NEGR1: variants seen among roughly 807,000 people sequenced by gnomAD.
NEGR1 encodes neuronal growth regulator 1, also known as IgLON family member 4.
In NEGR1, 10 loss-of-function variants were observed where a neutral mutation model predicts 40.9. That is an observed-to-expected ratio of 0.24 (90% CI 0.15 to 0.42). The LOEUF is 0.42. Among genes scored for constraint, NEGR1 ranks in the 10% least tolerant of loss-of-function variants. The pLI, the probability that NEGR1 is intolerant of heterozygous loss-of-function variation, is 1.00. For synonymous variants in NEGR1, 185 were observed against 166.8 expected (o/e 1.11, Z -0.84); for missense variants, 352 against 438.9 (o/e 0.80, Z 1.77).
intron 1 of NEGR1, among the ~76,000 whole-genome samples, chr1:72,119,715 G>A (rs1363967972): frequency 6.6e-6 from 1 of 151,936 alleles, no homozygotes; most frequent in Non-Finnish European, 1.5e-5. Flanking sequence ...GCAGGGGGTT[G>A]TTCTTGGCAT....
At chr1:71,585,584 G>A (rs1409132989) in intron 6 of NEGR1, among the ~76,000 whole-genome samples, 4 of 151,902 alleles carry the variant, frequency 2.6e-5, no homozygotes, top group Admixed American at 2.6e-4. Flanking sequence ...TCAGCTGTGG[G>A]AAATGTATGT....
intron 1 of NEGR1, among the ~76,000 whole-genome samples, chr1:72,121,788 G>C (rs771328203): frequency 2.0e-5 from 3 of 151,964 alleles, no homozygotes; most frequent in Non-Finnish European, 4.4e-5. Flanking sequence ...ATACATAAAA[G>C]TGCAAACATT....
intron 4 of NEGR1, among the ~76,000 whole-genome samples, chr1:71,637,240 G>A (rs1319956109): frequency 2.0e-5 from 3 of 151,964 alleles, no homozygotes; most frequent in African/African-American, 7.2e-5. Context: ...ATATTTTCAA[G>A]TTCCATGTTT....
chr1:71,819,015 G>A (rs778342414), intron 2 of NEGR1, among the ~76,000 whole-genome samples: 1 of 151,988 alleles, frequency 6.6e-6, no homozygotes, highest in Non-Finnish European at 1.5e-5. Context: ...AGATGTAGAA[G>A]CCAGTGGGCC....
chr1:72,210,691 G>T (rs897379530), intron 1 of NEGR1, among the ~76,000 whole-genome samples: 1 of 151,884 alleles, frequency 6.6e-6, no homozygotes, highest in African/African-American at 2.4e-5. Context: ...GTGATACTAA[G>T]AAATGTGAAT....
At chr1:71,999,832 A>G (rs936032395) in intron 1 of NEGR1, among the ~76,000 whole-genome samples, 2 of 150,986 alleles carry the variant, frequency 1.3e-5, no homozygotes, top group Non-Finnish European at 3.0e-5. Context: ...TAGGTTTAGT[A>G]CTTTATTTAC....
chr1:71,709,185 T>C (rs940295162), intron 3 of NEGR1, among the ~76,000 whole-genome samples: 5 of 152,166 alleles, frequency 3.3e-5, no homozygotes, highest in Non-Finnish European at 5.9e-5. Flanking sequence ...TCTTTCACAA[T>C]GGTTGAACTA....
At chr1:71,764,118 A>G (rs1656041205) in intron 3 of NEGR1, among the ~76,000 whole-genome samples, 1 of 152,246 alleles carries the variant, frequency 6.6e-6, no homozygotes, top group Non-Finnish European at 1.5e-5. Context: ...CTATATAACT[A>G]TGGAAGAAGA....
At chr1:72,226,752 T>C (rs1164455664) in intron 1 of NEGR1, among the ~76,000 whole-genome samples, 1 of 152,094 alleles carries the variant, frequency 6.6e-6, no homozygotes, top group Non-Finnish European at 1.5e-5. Context: ...AGAAAAGTGA[T>C]TCAGAAAACA....
chr1:72,278,291 T>C (rs372476414), intron 1 of NEGR1, among the ~76,000 whole-genome samples: 4 of 152,034 alleles, frequency 2.6e-5, no homozygotes, highest in African/African-American at 9.7e-5. Flanking sequence ...AAGCAGATAA[T>C]AGCATATTTT....
At chr1:71,585,688 C>CTTT (rs563536438) in intron 6 of NEGR1, among the ~76,000 whole-genome samples, 24 of 112,552 alleles carry the variant, frequency 2.1e-4, no homozygotes, top group Non-Finnish European at 2.6e-4. Context: ...ACCTCTCCAT[C>CTTT]TTTTTTTTTT....
intron 4 of NEGR1, among the ~76,000 whole-genome samples, chr1:71,630,099 A>T (rs904470139): frequency 1.3e-5 from 2 of 151,994 alleles, no homozygotes; most frequent in Non-Finnish European, 2.9e-5. Context: ...ATAGAGCTAT[A>T]TTTTGCTCAA....
intron 1 of NEGR1, among the ~76,000 whole-genome samples, chr1:72,137,743 C>T (rs369445110): frequency 3.3e-5 from 5 of 152,030 alleles, no homozygotes; most frequent in East Asian, 1.9e-4. Context: ...AAAAAGAATA[C>T]GGTGCTCAGG....
intron 1 of NEGR1, among the ~76,000 whole-genome samples, chr1:71,964,443 C>T (rs1026953307): frequency 5.3e-5 from 8 of 152,142 alleles, no homozygotes; most frequent in African/African-American, 1.7e-4. Flanking sequence ...AGAGGCCATG[C>T]GTAGATGACC....
chr1:71,872,353 T>A (rs575170168), intron 2 of NEGR1, among the ~76,000 whole-genome samples: 1 of 152,254 alleles, frequency 6.6e-6, no homozygotes, highest in Non-Finnish European at 1.5e-5. Context: ...ATTCTAGGAA[T>A]TAAAGGAGTA....
chr1:71,961,672 A>G (rs1646166252), intron 1 of NEGR1, among the ~76,000 whole-genome samples: 1 of 152,114 alleles, frequency 6.6e-6, no homozygotes, highest in African/African-American at 2.4e-5. Context: ...TTCCAGAGCT[A>G]TCACTTTTTA....
At chr1:71,663,049 C>T (rs757863147) in intron 4 of NEGR1, among the ~76,000 whole-genome samples, 2 of 151,984 alleles carry the variant, frequency 1.3e-5, no homozygotes, top group East Asian at 1.9e-4. Context: ...CTCCGTCTCC[C>T]GGGTTCATAC....
intron 1 of NEGR1, 147 bp from the exon 2 acceptor site, chr1:71,935,458 C>T (rs1557443073): frequency 1.6e-6 from 1 of 628,394 alleles, no homozygotes; most frequent in Non-Finnish European, 2.8e-6. Flanking sequence ...CATGAACATA[C>T]TGATGCATCT....
chr1:71,850,849 A>C (rs1438175326), intron 2 of NEGR1, among the ~76,000 whole-genome samples: 6 of 152,116 alleles, frequency 3.9e-5, no homozygotes, highest in Non-Finnish European at 8.8e-5. Context: ...TTCCTCACTA[A>C]AACATACTTA....
Sources: allele counts gnomAD v4.1 joint callset (sites outside exome capture counted in the v4.1 genomes callset), GRCh38; gene constraint gnomAD v4.1.1; transcripts MANE v1.5; gene names NCBI Gene and HGNC (gene_info 2026-07-23, HGNC 2026-07-21).